The following PLEKHA8 variants were observed in gnomAD, a reference collection of about 807,000 sequenced individuals.
PLEKHA8 encodes pleckstrin homology domain containing A8.
PLEKHA8 carries 36 observed loss-of-function variants against 68.2 expected under a neutral mutation model. The ratio of observed to expected loss-of-function variants is 0.53; its 90% CI spans 0.40 to 0.70. The LOEUF (loss-of-function observed/expected upper bound fraction) is 0.70, where lower values mean the gene tolerates loss of function less well. Ranked by LOEUF, PLEKHA8 falls within the 30% of genes least tolerant of loss-of-function variation. PLEKHA8 has a pLI of 0.00. For synonymous variants in PLEKHA8, 211 were observed against 216.1 expected, an observed-to-expected ratio of 0.98 and a Z score of 0.20; for missense variants, 505 against 615.4, an observed-to-expected ratio of 0.82 and a Z score of 1.90.
chr7:30,119,754 G>A (rs1359730933), intron 13 of PLEKHA8, among the ~76,000 whole-genome samples: 1 of 152,190 alleles, frequency 6.6e-6, no homozygotes, highest in Admixed American at 6.5e-5. Context: ...CCACCATTTT[G>A]CTGCATCAGA....
At chr7:30,046,006 G>T (rs372935545) in intron 2 of PLEKHA8, among the ~76,000 whole-genome samples, 2 of 152,178 alleles carry the variant, frequency 1.3e-5, no homozygotes, top group African/African-American at 4.8e-5. Flanking sequence ...CAATTGCAAG[G>T]TTTTCCCTCT....
chr7:30,043,441 A>G (rs1791693964), intron 1 of PLEKHA8, among the ~76,000 whole-genome samples: 1 of 152,226 alleles, frequency 6.6e-6, no homozygotes, highest in African/African-American at 2.4e-5. Context: ...GAAGTCCTCC[A>G]TATAAAATAT....
intron 1 of PLEKHA8, among the ~76,000 whole-genome samples, chr7:30,039,213 T>C (rs892507961): frequency 2.6e-5 from 4 of 152,218 alleles, no homozygotes; most frequent in African/African-American, 7.2e-5. Context: ...GAAAAACTTA[T>C]TTTTAAAAAT....
chr7:30,099,494 C>G (rs1795766670), intron 13 of PLEKHA8, among the ~76,000 whole-genome samples: 1 of 152,198 alleles, frequency 6.6e-6, no homozygotes, highest in East Asian at 1.9e-4. Context: ...CAAAGTCTCC[C>G]TTGAGGTGGC....
intron 1 of PLEKHA8, among the ~76,000 whole-genome samples, chr7:30,035,522 T>G (rs1025818549): frequency 6.6e-6 from 1 of 152,248 alleles, no homozygotes; most frequent in Non-Finnish European, 1.5e-5. Context: ...CATATAATTA[T>G]TGGCCATTGC....
intron 1 of PLEKHA8, among the ~76,000 whole-genome samples, chr7:30,032,245 G>A (rs1276102168): frequency 3.9e-5 from 6 of 152,298 alleles, no homozygotes; most frequent in African/African-American, 1.4e-4. Context: ...CTAGAACGCT[G>A]GTTCAGGAGT....
rs564080278 is a variant in PLEKHA8 at position 30,079,017 on chromosome 7, T to G, written c.*230T>G. On this transcript the variant is annotated 3_prime_UTR_variant, in exon 14 of 14. Transcript: ENST00000449726. ...AGCAGGCCTACTGGAAACCAAATGA[T>G]AAGCTGCTGTAGACTTGAACAGCAA... 2 of 1,300,384 alleles carry G rather than the reference T, an allele frequency of 1.5e-6. No individual in the cohort carries two copies. Among genetic ancestry groups the G allele is most frequent in the Non-Finnish European group, 2.0e-6 (2 of 1,024,982 alleles). 80.6% of individuals were successfully genotyped at this position (1,300,384 alleles called of 1,614,324 possible).
Position 30,090,236 on chromosome 7 carries a change from A to G in PLEKHA8, c.*61A>G, listed in dbSNP as rs375430992. Reference sequence around the variant, plus strand: ...AAGAATGAAGAAAGAATTCCTCACCATTCAGGCAGAAAAAGCAAGTCACCA... The same window carrying G: ...AAGAATGAAGAAAGAATTCCTCACCGTTCAGGCAGAAAAAGCAAGTCACCA... On this transcript the variant is annotated 3_prime_UTR_variant, in exon 13 of 13. Transcript: ENST00000258679. 6.8e-5 allele frequency: 105 copies of G among 1,534,644 alleles called. No homozygotes were observed. In the African/African-American group the frequency reaches 1.3e-3, roughly 19 times the overall value.
exon 13 of PLEKHA8, chr7:30,090,330 T>A (rs1388663854): frequency 1.8e-5 from 16 of 897,458 alleles, no homozygotes; most frequent in Non-Finnish European, 2.7e-5. Context: ...TCCGAAGTTC[T>A]GAGTAGGAAA....
chr7:30,029,876 CAAAG>C (rs1417198130), intron 1 of PLEKHA8, among the ~76,000 whole-genome samples: 3 of 152,198 alleles, frequency 2.0e-5, no homozygotes, highest in Non-Finnish European at 4.4e-5. Context: ...ACAGCACAGC[CAAAG>C]GTGCCCCTAT....
Position 30,079,596 on chromosome 7 carries a change from A to ACCTT in PLEKHA8, c.*809_*810insCCTT. The stretch of plus-strand genomic sequence containing the variant: ...AGAGGGATTATTACTCCACTTCAAA[A>ACCTT]GCAAGGTTTAGAAGTTGAGGGATCT... On this transcript the variant is annotated 3_prime_UTR_variant, in exon 14 of 14. Transcript: ENST00000449726. The ACCTT allele has an allele frequency of 2.5e-6, 2 of 805,498 alleles. No homozygotes were observed. Among genetic ancestry groups the ACCTT allele is most frequent in the Non-Finnish European group, 3.0e-6 (2 of 666,056 alleles). 49.9% of individuals were successfully genotyped at this position (805,498 alleles called of 1,614,324 possible). A position where few individuals can be genotyped will look rare whatever the true frequency, so the allele number is the denominator to read the frequency against.
At chr7:30,051,803 T>G (rs1339547925) in intron 6 of PLEKHA8, among the ~76,000 whole-genome samples, 1 of 152,088 alleles carries the variant, frequency 6.6e-6, no homozygotes, top group Non-Finnish European at 1.5e-5. Context: ...GTGAAACCTG[T>G]CTCTACTAAA....
chr7:30,049,161 C>G, intron 4 of PLEKHA8, 63 bp from the exon 5 acceptor site: 6 of 1,596,412 alleles, frequency 3.8e-6, no homozygotes, highest in Non-Finnish European at 5.1e-6. Context: ...TAAGGACATT[C>G]CACAATTGGG....
In PLEKHA8 at chr7:30,116,260, A is replaced by G. The variant is rs115282366; in HGVS notation, c.1363-13006A>G. ...TATGCGTATACATGTACACGTATACATGCATACATGTATGTATGTATACAT... is the reference window on the plus strand; with the variant it reads ...TATGCGTATACATGTACACGTATACGTGCATACATGTATGTATGTATACAT... On this transcript the variant is annotated intron_variant, in intron 13 of 13. Coordinates refer to the PLEKHA8 transcript ENST00000396257. 8.5e-3 allele frequency among the ~76,000 whole-genome samples: 1,278 copies of G among 150,948 alleles called. 24 individuals carry two copies. Among genetic ancestry groups the G allele is most frequent in the African/African-American group, 0.03 (1,231 of 40,820 alleles).
Position 30,079,013 on chromosome 7 carries a change from A to G in PLEKHA8, c.*226A>G, listed in dbSNP as rs1054933330. 8.4e-6 allele frequency: 11 copies of G among 1,304,300 alleles called. No homozygotes were observed. In the African/African-American group the frequency reaches 1.2e-4, roughly 14 times the overall value. 80.8% of individuals were successfully genotyped at this position (1,304,300 alleles called of 1,614,324 possible). A position where few individuals can be genotyped will look rare whatever the true frequency, so the allele number is the denominator to read the frequency against. On this transcript the variant is annotated 3_prime_UTR_variant, in exon 14 of 14. Coordinates refer to ENST00000449726, the MANE Select transcript of PLEKHA8 (RefSeq NM_001197026.2). ...GTTCAGCAGGCCTACTGGAAACCAA[A>G]TGATAAGCTGCTGTAGACTTGAACA...
rs146497289 is a variant in PLEKHA8 at position 30,122,743 on chromosome 7, C to T, written c.1363-6523C>T. ...AATGAAGGTAATGGAAACTGATGAGCAGAAGCTGCCATCATAGAAAAGCAT... is the reference window on the plus strand; with the variant it reads ...AATGAAGGTAATGGAAACTGATGAGTAGAAGCTGCCATCATAGAAAAGCAT... On this transcript the variant is annotated intron_variant, in intron 13 of 13. Coordinates refer to the PLEKHA8 transcript ENST00000396257. 2.0e-5 allele frequency among the ~76,000 whole-genome samples: 3 copies of T among 152,270 alleles called. No homozygotes were observed. In the East Asian group the frequency reaches 5.8e-4, roughly 29 times the overall value.
rs1795055415 is a variant in PLEKHA8 at position 30,083,717 on chromosome 7, G to A, written c.*4930G>A. 1 of 985,142 alleles carries A rather than the reference G, an allele frequency of 1.0e-6. No homozygotes were observed. Among genetic ancestry groups the A allele is most frequent in the Admixed American group, 6.1e-5 (1 of 16,266 alleles). The allele number at this position is 985,142 out of a possible 1,614,324, so 61.0% of individuals were successfully genotyped here. A position where few individuals can be genotyped will look rare whatever the true frequency, so the allele number is the denominator to read the frequency against. On this transcript the variant is annotated 3_prime_UTR_variant, in exon 14 of 14. Transcript: ENST00000449726. ...TCCTGTATTAATCACTTCTGTTCCA[G>A]AGTGAACAAATGTTTTCAGCTAAGC...
intron 3 of PLEKHA8, 50 bp from the exon 4 acceptor site, chr7:30,047,782 A>G: frequency 1.3e-6 from 2 of 1,549,482 alleles, no homozygotes; most frequent in Non-Finnish European, 1.8e-6. Flanking sequence ...CCTAACTAGT[A>G]AATCAGTTGT....
At chr7:30,113,651 A>G (rs1796338669) in intron 13 of PLEKHA8, among the ~76,000 whole-genome samples, 1 of 152,086 alleles carries the variant, frequency 6.6e-6, no homozygotes, top group Non-Finnish European at 1.5e-5. Flanking sequence ...GAATACTACC[A>G]CCTCACTATT....
Sources: gnomAD v4.1 joint callset for allele counts (sites outside exome capture counted in the v4.1 genomes callset) on GRCh38, gnomAD v4.1.1 for gene constraint, MANE v1.5 for transcripts, NCBI Gene and HGNC (gene_info 2026-07-23, HGNC 2026-07-21) for gene names.